The following ATP8A2 variants were observed in gnomAD, a reference collection of about 807,000 sequenced individuals.
The protein encoded by ATP8A2 is ATPase phospholipid transporting 8A2, also known as phospholipid-transporting ATPase IB.
Under a neutral mutation model 165.6 loss-of-function variants are expected in ATP8A2, and 100 were observed. The ratio of observed to expected loss-of-function variants is 0.60; its 90% CI spans 0.51 to 0.71. The LOEUF (loss-of-function observed/expected upper bound fraction) is 0.71, where lower values mean the gene tolerates loss of function less well. Among genes scored for constraint, ATP8A2 ranks in the 30% least tolerant of loss-of-function variants. ATP8A2 has a pLI of 0.00. For synonymous variants in ATP8A2, 543 were observed against 548.8 expected, an observed-to-expected ratio of 0.99 and a Z score of 0.15; for missense variants, 1,227 against 1,479.5, an observed-to-expected ratio of 0.83 and a Z score of 2.80.
At chr13:25,658,990 T>A (rs539264393) in intron 24 of ATP8A2, among the ~76,000 whole-genome samples, 1 of 152,212 alleles carries the variant, frequency 6.6e-6, no homozygotes, top group Non-Finnish European at 1.5e-5. Context: ...ATTTACTTGT[T>A]GGCATTTGTG....
chr13:25,895,879 A>G (rs1191778986), intron 33 of ATP8A2, among the ~76,000 whole-genome samples: 1 of 152,018 alleles, frequency 6.6e-6, no homozygotes, highest in African/African-American at 2.4e-5. Flanking sequence ...CGGTGGTGAT[A>G]TCCCCTTTGT....
At chr13:25,919,253 G>A (rs1469632251) in intron 33 of ATP8A2, among the ~76,000 whole-genome samples, 1 of 152,156 alleles carries the variant, frequency 6.6e-6, no homozygotes, top group South Asian at 2.1e-4. Context: ...CAGTTCATCT[G>A]GGGAAAATAT....
intron 28 of ATP8A2, among the ~76,000 whole-genome samples, chr13:25,829,535 G>A (rs1951401521): frequency 6.6e-6 from 1 of 151,164 alleles, no homozygotes; most frequent in African/African-American, 2.4e-5. Context: ...AATGCTCCAC[G>A]ATTATTCAGT....
At chr13:25,513,045 G>A (rs1264611688) in intron 2 of ATP8A2, among the ~76,000 whole-genome samples, 1 of 150,956 alleles carries the variant, frequency 6.6e-6, no homozygotes, top group African/African-American at 2.4e-5. Context: ...CGGGGCGGCT[G>A]GCCTGGCGGG....
intron 1 of ATP8A2, among the ~76,000 whole-genome samples, chr13:25,379,566 C>T (rs2032762619): frequency 6.6e-6 from 1 of 152,190 alleles, no homozygotes; most frequent in Non-Finnish European, 1.5e-5. Flanking sequence ...AATGATTATC[C>T]TTGTTTAAGT....
At chr13:25,688,041 C>T (rs1161600740) in intron 24 of ATP8A2, among the ~76,000 whole-genome samples, 1 of 152,134 alleles carries the variant, frequency 6.6e-6, no homozygotes, top group Non-Finnish European at 1.5e-5. Context: ...TGTGGCTCAC[C>T]ATACTTTACA....
At chr13:25,780,269 G>A (rs1458782691) in intron 27 of ATP8A2, among the ~76,000 whole-genome samples, 1 of 152,126 alleles carries the variant, frequency 6.6e-6, no homozygotes, top group African/African-American at 2.4e-5. Flanking sequence ...ATTAGTTGGT[G>A]GTTCCTAATA....
At chr13:25,525,799 G>C (rs2037824172) in intron 2 of ATP8A2, among the ~76,000 whole-genome samples, 2 of 152,078 alleles carry the variant, frequency 1.3e-5, no homozygotes, top group Non-Finnish European at 2.9e-5. Flanking sequence ...ATTTGGGTCA[G>C]ATCTGTTTGT....
chr13:25,581,981 C>T lies in ATP8A2; in HGVS notation c.2146+24C>T, dbSNP rs1244345374. 1.9e-6 allele frequency: 3 copies of T among 1,589,642 alleles called. No homozygotes were observed. In the South Asian group the frequency reaches 3.5e-5, roughly 18 times the overall value. ...AGGTAATTATTTTTACAAATAATTT[C>T]CTGATGCTGGGTTTTGTATTTGTTT... On this transcript the variant is annotated intron_variant, in intron 23 of 36. Transcript: ENST00000381655.
At chr13:25,578,380 C>T (rs1416351576) in intron 20 of ATP8A2, among the ~76,000 whole-genome samples, 5 of 152,164 alleles carry the variant, frequency 3.3e-5, no homozygotes, top group Non-Finnish European at 7.3e-5. Flanking sequence ...CTGAGTTCAG[C>T]GCCCAATGGG....
At chr13:25,874,010 C>T (rs190170248) in intron 33 of ATP8A2, among the ~76,000 whole-genome samples, 16 of 152,340 alleles carry the variant, frequency 1.1e-4, no homozygotes, top group East Asian at 1.9e-4. Flanking sequence ...TCATTTCTTG[C>T]GTGGACAATT....
intron 33 of ATP8A2, among the ~76,000 whole-genome samples, chr13:25,868,841 G>T (rs773552003): frequency 9.2e-5 from 14 of 152,034 alleles, no homozygotes; most frequent in Non-Finnish European, 1.6e-4. Flanking sequence ...AGGCCTGGGT[G>T]GGCGGATCAC....
intron 24 of ATP8A2, among the ~76,000 whole-genome samples, chr13:25,629,957 G>A (rs1276555987): frequency 6.6e-6 from 1 of 152,124 alleles, no homozygotes; most frequent in African/African-American, 2.4e-5. Context: ...CGACTTTAGA[G>A]TTGCTGAAGT....
chr13:25,783,801 C>T (rs2044949106), intron 27 of ATP8A2, among the ~76,000 whole-genome samples: 1 of 152,252 alleles, frequency 6.6e-6, no homozygotes, highest in Middle Eastern at 3.4e-3. Context: ...GCCCTTAGTA[C>T]CTAACAGAGA....
intron 8 of ATP8A2, 62 bp from the exon 9 acceptor site, chr13:25,541,857 T>G: frequency 6.3e-7 from 1 of 1,587,824 alleles, no homozygotes; most frequent in Non-Finnish European, 8.6e-7. Flanking sequence ...ATAGGGATGC[T>G]GAATGGTGTC....
chr13:25,522,216 C>T (rs989042035), intron 2 of ATP8A2, among the ~76,000 whole-genome samples: 2 of 152,012 alleles, frequency 1.3e-5, no homozygotes, highest in African/African-American at 2.4e-5. Context: ...AGGTATTTTA[C>T]GTTCTTTGTA....
At chr13:25,380,639 A>G (rs1035196552) in intron 1 of ATP8A2, among the ~76,000 whole-genome samples, 1 of 152,180 alleles carries the variant, frequency 6.6e-6, no homozygotes, top group Admixed American at 6.5e-5. Flanking sequence ...AGAAAGTTTA[A>G]AATTGTATAT....
intron 33 of ATP8A2, chr13:25,927,161 T>G (rs1162596411): frequency 2.2e-6 from 1 of 456,684 alleles, no homozygotes; most frequent in Non-Finnish European, 4.4e-6. Flanking sequence ...TAGCTGGATA[T>G]TGCCCTCCGT....
chr13:25,551,085 AAGAAGTAC>A, intron 10 of ATP8A2, among the ~76,000 whole-genome samples: 1 of 152,222 alleles, frequency 6.6e-6, no homozygotes, highest in East Asian at 1.9e-4. Context: ...ATATAATCAT[AAGAAGTAC>A]AGAATGAATC....
Sources: gnomAD v4.1 joint callset for allele counts (sites outside exome capture counted in the v4.1 genomes callset) on GRCh38, gnomAD v4.1.1 for gene constraint, MANE v1.5 for transcripts, NCBI Gene and HGNC (gene_info 2026-07-23, HGNC 2026-07-21) for gene names.